NPR1: variants seen among roughly 807,000 people sequenced by gnomAD.
NPR1 encodes the protein atrial natriuretic peptide receptor 1.
Under a neutral mutation model 116.9 loss-of-function variants are expected in NPR1, and 57 were observed. That is an observed-to-expected ratio of 0.49 (90% CI 0.39 to 0.61). The LOEUF (loss-of-function observed/expected upper bound fraction) is 0.61. Ranked by LOEUF, NPR1 falls within the 20% of genes least tolerant of loss-of-function variation. The probability of loss-of-function intolerance (pLI) is 0.00; values close to 1 mark genes in which losing one functional copy is unlikely to be tolerated. For missense variants in NPR1, 1,096 were observed against 1,409.8 expected (o/e 0.78, Z 3.56); for synonymous variants, 555 against 601.6 (o/e 0.92, Z 1.13).
In NPR1 at chr1:153,689,006, CG is replaced by C. The variant is rs1212816184; in HGVS notation, c.2472del (p.Asn825ThrfsTer37). The stretch of plus-strand genomic sequence containing the variant: ...CTGCTGTCCCGCATGGAGCAGTACG[CG>C]AACAATCTGGAGGAACTGGTGGAGG... Reference protein sequence around the residue: ...DNLLSRMEQYANNLEELVEER... With the variant: ...DNLLSRMEQYXNNLEELVEER... On this transcript the variant is annotated frameshift_variant, in exon 16 of 22. Coordinates refer to ENST00000368680, the MANE Select transcript of NPR1 (RefSeq NM_000906.4). LOFTEE classifies it high-confidence loss of function. This position sits in a 1 kb window ranked among gnomAD's most constrained non-coding sequence, Gnocchi z 5.1. 1 of 1,614,166 alleles carries C rather than the reference CG, an allele frequency of 6.2e-7. No individual in the cohort carries two copies. The highest frequency in any genetic ancestry group is 1.1e-5 in the South Asian group (1 of 91,086).
At chr1:153,686,047 G>T in intron 9 of NPR1, 76 bp from the exon 10 acceptor site, 1 of 1,510,134 alleles carries the variant, frequency 6.6e-7, no homozygotes, top group Non-Finnish European at 9.2e-7. Flanking sequence ...GGCAGGGATG[G>T]GCTGTCGGGA....
chr1:153,678,970 GC>G lies in NPR1; in HGVS notation c.-135del, dbSNP rs1480234214. 9.5e-6 allele frequency: 11 copies of G among 1,155,298 alleles called. No homozygotes were observed. In the East Asian group the frequency reaches 3.5e-4, roughly 37 times the overall value. The allele number at this position is 1,155,298 out of a possible 1,614,324, so 71.6% of individuals were successfully genotyped here. On this transcript the variant is annotated 5_prime_UTR_variant, in exon 1 of 22. Coordinates refer to ENST00000368680, the MANE Select transcript of NPR1 (RefSeq NM_000906.4). The surrounding 1 kb of genome is among the most constrained non-coding windows in gnomAD (Gnocchi z 5.8). ...CCGTCGCAGCTACAGGGGGCCTCGA[GC>G]CCCGGGGTGAGCGTCCCCGTCCCGC...
rs1222239687 is a variant in NPR1, at chr1:153,683,426, G to A, written c.1314G>A (p.Gly438=). 5.6e-6 allele frequency: 9 copies of A among 1,614,172 alleles called. No individual in the cohort carries two copies. Among genetic ancestry groups the A allele is most frequent in the Admixed American group, 1.7e-5 (1 of 60,008 alleles). ...GTSQELVAVS[G]RKLNWPLGYP... is the part of the protein sequence containing the mutation. The stretch of plus-strand genomic sequence containing the variant: ...CCCAAGAGCTGGTGGCTGTGTCGGG[G>A]CGCAAACTGAACTGGCCCCTGGGGT... Residue 438 remains glycine (G), a synonymous_variant, in exon 6 of 22, where the codon GGG becomes GGA. Coordinates refer to ENST00000368680, the MANE Select transcript of NPR1 (RefSeq NM_000906.4).
chr1:153,685,987 C>T (rs531250435), intron 9 of NPR1, 107 bp downstream of exon 9: 1 of 1,376,112 alleles, frequency 7.3e-7, no homozygotes, highest in Non-Finnish European at 1.0e-6. Context: ...TGGGGAGCAG[C>T]AGATGGGGGC....
chr1:153,684,860 C>CT, intron 7 of NPR1, 104 bp from the exon 8 acceptor site: 1 of 1,438,160 alleles, frequency 7.0e-7, no homozygotes, highest in Non-Finnish European at 9.5e-7. Context: ...CCCTCCATCT[C>CT]TGAGTGCATG....
intron 7 of NPR1, among the ~76,000 whole-genome samples, chr1:153,684,409 T>TC (rs1669870374): frequency 7.4e-6 from 1 of 135,692 alleles, no homozygotes; most frequent in Admixed American, 7.2e-5. Context: ...TTTTTTTTTT[T>TC]TGAGACGGAG....
intron 20 of NPR1, among the ~76,000 whole-genome samples, chr1:153,692,581 C>T (rs1374066700): frequency 1.3e-5 from 2 of 150,986 alleles, no homozygotes; most frequent in African/African-American, 4.9e-5. Flanking sequence ...GGTGCAATCT[C>T]GGCTCACTGC....
chr1:153,683,442 C>A lies in NPR1; in HGVS notation c.1330C>A (p.Pro444Thr). The change falls in exon 6 of 22, where the codon CCC (proline) becomes ACC (threonine). Residue 444 changes from proline (P) to threonine (T), a missense_variant. Coordinates refer to ENST00000368680, the MANE Select transcript of NPR1 (RefSeq NM_000906.4). ...VAVSGRKLNW[P>T]LGYPPPDIPK... ...TGTGTCGGGGCGCAAACTGAACTGG[C>A]CCCTGGGGTACCCTCCTCCTGACAT... 1 of 1,614,190 alleles carries A rather than the reference C, an allele frequency of 6.2e-7. No individual in the cohort carries two copies. Among genetic ancestry groups the A allele is most frequent in the Non-Finnish European group, 8.5e-7 (1 of 1,180,028 alleles).
intron 20 of NPR1, among the ~76,000 whole-genome samples, chr1:153,692,127 C>G (rs549951277): frequency 6.6e-6 from 1 of 152,230 alleles, no homozygotes; most frequent in East Asian, 1.9e-4. Context: ...ATGAAAGCAA[C>G]AATTTACATA....
rs1669941146 is a variant in NPR1 at position 153,686,748 on chromosome 1, C to G, written c.1861C>G (p.Gln621Glu). 6.2e-7 allele frequency: 1 copy of G among 1,612,968 alleles called. No individual in the cohort carries two copies. Among genetic ancestry groups the G allele is most frequent in the Middle Eastern group, 1.7e-4 (1 of 6,056 alleles). ...AGAGTACTGTCCCCGTGGGAGCCTG[C>G]AGGTGAGGGGGACAAGGGGTGTCAA... Reference protein sequence around the residue: ...LTEYCPRGSLQDILENESITL... With the variant: ...LTEYCPRGSLEDILENESITL... The change falls in exon 11 of 22, where the codon CAG becomes GAG. Residue 621 changes from glutamine (Q) to glutamate (E), a missense_variant and splice_region_variant. Physicochemically the swap from Gln to Glu is conservative, Grantham distance 29. Transcript: ENST00000368680.
rs774107682 is a variant in NPR1, at chr1:153,689,673, G to T, written c.2758-133G>T. On this transcript the variant is annotated intron_variant, in intron 18 of 21. Coordinates refer to ENST00000368680, the MANE Select transcript of NPR1 (RefSeq NM_000906.4). The surrounding 1 kb of genome is among the most constrained non-coding windows in gnomAD (Gnocchi z 5.1). ...ACAGGGAGACCCGGGAACAGGCAGA[G>T]AACCCATGTGGGATGGGGGATGAGC... 1 of 1,218,562 alleles carries T rather than the reference G, an allele frequency of 8.2e-7. No individual in the cohort carries two copies. The highest frequency in any genetic ancestry group is 2.5e-5 in the East Asian group (1 of 40,734). The allele number at this position is 1,218,562 out of a possible 1,614,324, so 75.5% of individuals were successfully genotyped here. A position where few individuals can be genotyped will look rare whatever the true frequency, so the allele number is the denominator to read the frequency against.
chr1:153,685,208 C>T, intron 8 of NPR1, 124 bp downstream of exon 8: 2 of 1,294,696 alleles, frequency 1.5e-6, no homozygotes, highest in Non-Finnish European at 2.1e-6. Context: ...GCTGTGTGAC[C>T]TTGAGCGACT....
Position 153,683,745 on chromosome 1 carries a change from C to G in NPR1, c.1405C>G (p.Leu469Val). The G allele has an allele frequency of 6.2e-7, 1 of 1,614,166 alleles. No homozygotes were observed. Reference protein sequence around the residue: ...NEDPACNQDHLSTLEVLALVG... With the variant: ...NEDPACNQDHVSTLEVLALVG... Reference sequence around the variant, plus strand: ...ATATGGACTCTCTCCTGCAGATCACCTTTCCACCCTGGAGGTGCTGGCTTT... The same window carrying G: ...ATATGGACTCTCTCCTGCAGATCACGTTTCCACCCTGGAGGTGCTGGCTTT... The change falls in exon 7 of 22, where the codon CTT becomes GTT. Residue 469 changes from leucine to valine, a missense_variant. Coordinates refer to ENST00000368680, the MANE Select transcript of NPR1 (RefSeq NM_000906.4).
In NPR1 at chr1:153,689,273, G is replaced by A. The variant is rs374515305; in HGVS notation, c.2650G>A (p.Gly884Ser). ...TACCATCTACTTCAGTGACATTGTG[G>A]GTTTCACAGCGCTGTCGGCGGAGAG... is the stretch of plus-strand genomic sequence containing the variant. ...SVTIYFSDIV[G>S]FTALSAESTP... Residue 884 changes from glycine to serine, a missense_variant, in exon 17 of 22, where the codon GGT becomes AGT. Transcript: ENST00000368680. The surrounding 1 kb of genome is among the most constrained non-coding windows in gnomAD (Gnocchi z 5.1). 3 of 1,614,082 alleles carry A rather than the reference G, an allele frequency of 1.9e-6. No homozygotes were observed. Among genetic ancestry groups the A allele is most frequent in the Non-Finnish European group, 8.5e-7 (1 of 1,180,046 alleles).
chr1:153,681,335 C>T (rs757115010), intron 3 of NPR1, 42 bp downstream of exon 3: 1 of 1,137,564 alleles, frequency 8.8e-7, no homozygotes, highest in Non-Finnish European at 1.3e-6. Flanking sequence ...GACCTCCAGC[C>T]CCCACTCCAT....
chr1:153,687,282 T>C lies in NPR1; in HGVS notation c.2018T>C (p.Val673Ala). Residue 673 changes from valine to alanine, a missense_variant, in exon 13 of 22, where the codon GTG (valine) becomes GCG (alanine). Transcript: ENST00000368680. ...AACTGCGTGGTAGATGGGCGCTTTG[T>C]GCTCAAGATCACCGACTATGGGCTG... ...SSNCVVDGRFVLKITDYGLES... is the reference protein window; with the variant it reads ...SSNCVVDGRFALKITDYGLES... The C allele has an allele frequency of 6.2e-7, 1 of 1,614,142 alleles. No homozygotes were observed. The highest frequency in any genetic ancestry group is 8.5e-7 in the Non-Finnish European group (1 of 1,179,994).
At chr1:153,688,322 C>T (rs1203648752) in intron 15 of NPR1, 101 bp downstream of exon 15, 5 of 1,191,972 alleles carry the variant, frequency 4.2e-6, no homozygotes, top group East Asian at 2.4e-5. Context: ...CAGAGGGAGA[C>T]CACTCACCTC....
chr1:153,683,466 A>G lies in NPR1; in HGVS notation c.1354A>G (p.Ile452Val), dbSNP rs1240006897. Residue 452 changes from isoleucine (I) to valine (V), a missense_variant, in exon 6 of 22, where the codon ATC (isoleucine) becomes GTC (valine). Transcript: ENST00000368680. ...NWPLGYPPPD[I>V]PKCGFDNEDP... ...GCCCCTGGGGTACCCTCCTCCTGACATCCCCAAATGTGGCTTTGACAACGA... is the reference window on the plus strand; with the variant it reads ...GCCCCTGGGGTACCCTCCTCCTGACGTCCCCAAATGTGGCTTTGACAACGA... The G allele has an allele frequency of 6.2e-7, 1 of 1,614,050 alleles. No individual in the cohort carries two copies. Among genetic ancestry groups the G allele is most frequent in the Non-Finnish European group, 8.5e-7 (1 of 1,180,032 alleles).
intron 2 of NPR1, 30 bp from the exon 3 acceptor site, chr1:153,681,150 C>A (rs1198949319): frequency 7.2e-7 from 1 of 1,383,882 alleles, no homozygotes. Flanking sequence ...CAGCTCCCAA[C>A]TCTCTGCTCT....
Sources: gnomAD v4.1 joint callset for allele counts (sites outside exome capture counted in the v4.1 genomes callset) on GRCh38, gnomAD v4.1.1 for gene constraint, Gnocchi (gnomAD v3.1) non-coding constraint, MANE v1.5 for transcripts, NCBI Gene and HGNC (gene_info 2026-07-23, HGNC 2026-07-21) for gene names.